The following TNFAIP8L2 variants were observed in gnomAD, a reference collection of about 807,000 sequenced individuals.
The protein encoded by TNFAIP8L2 is TNF alpha induced protein 8 like 2.
TNFAIP8L2 carries 2 observed loss-of-function variants against 5.6 expected under a neutral mutation model. The ratio of observed to expected loss-of-function variants is 0.36; its 90% CI spans 0.15 to 1.13. TNFAIP8L2 has a LOEUF of 1.13. TNFAIP8L2 is among the 50% of genes most tolerant of loss of function. The pLI is 0.40. For synonymous variants in TNFAIP8L2, 91 were observed against 101.1 expected, an observed-to-expected ratio of 0.90 and a Z score of 0.60; for missense variants, 216 against 241.8, an observed-to-expected ratio of 0.89 and a Z score of 0.71.
In TNFAIP8L2 at chr1:151,158,768, GCTCTGTGGCTCAT is replaced by G; in HGVS notation, c.76_88del (p.Val26SerfsTer2). 6.2e-7 allele frequency: 1 copy of G among 1,613,898 alleles called. No homozygotes were observed. Among genetic ancestry groups the G allele is most frequent in the Non-Finnish European group, 8.5e-7 (1 of 1,179,906 alleles). On this transcript the variant is annotated frameshift_variant, in exon 2 of 2. Coordinates refer to ENST00000368910, the MANE Select transcript of TNFAIP8L2 (RefSeq NM_024575.5). LOFTEE classifies it high-confidence loss of function. ...AAGCTACTGAGTAAGATGGCGGGTC[GCTCTGTGGCTCAT>G]CTCTTCATAGATGAGACAAGCAGTG...
rs757977042 is a variant in TNFAIP8L2, at chr1:151,158,737, GAGA to G, written c.46_48del (p.Lys16del). The G allele has an allele frequency of 1.8e-5, 29 of 1,612,202 alleles. No homozygotes were observed. Among genetic ancestry groups the G allele is most frequent in the Non-Finnish European group, 2.3e-5 (27 of 1,178,868 alleles). On this transcript the variant is annotated inframe_deletion, in exon 2 of 2. Coordinates refer to ENST00000368910, the MANE Select transcript of TNFAIP8L2 (RefSeq NM_024575.5). Reference sequence around the variant, plus strand: ...CTCAAAGAGCCTGGCACTGCAAGCAGAGAAGAAGCTACTGAGTAAGATGGCGGG... The same window carrying G: ...CTCAAAGAGCCTGGCACTGCAAGCAGAGAAGCTACTGAGTAAGATGGCGGG...
chr1:151,157,396 G>A (rs1683261039), intron 1 of TNFAIP8L2, among the ~76,000 whole-genome samples: 1 of 152,184 alleles, frequency 6.6e-6, no homozygotes, highest in South Asian at 2.1e-4. Flanking sequence ...GCAGAGCAGA[G>A]GAGGGGGAAG....
In TNFAIP8L2 at chr1:151,158,828, G is replaced by A. The variant is rs763183066; in HGVS notation, c.131G>A (p.Arg44His). 8 of 1,613,932 alleles carry A rather than the reference G, an allele frequency of 5.0e-6. No individual in the cohort carries two copies. The highest frequency in any genetic ancestry group is 2.2e-5 in the East Asian group (1 of 44,878). ...TSSEVLDELY[R>H]VSKEYTHSRP... ...AGTGAGGTGCTAGATGAGCTCTACC[G>A]TGTGTCCAAGGAGTACACGCACAGC... Residue 44 changes from arginine (R) to histidine (H), a missense_variant, in exon 2 of 2, where the codon CGT becomes CAT. Arg to His is a conservative substitution (Grantham distance 29). Coordinates refer to ENST00000368910, the MANE Select transcript of TNFAIP8L2 (RefSeq NM_024575.5).
At chr1:151,158,154 C>G (rs1683291815) in intron 1 of TNFAIP8L2, among the ~76,000 whole-genome samples, 1 of 152,000 alleles carries the variant, frequency 6.6e-6, no homozygotes, top group Non-Finnish European at 1.5e-5. Context: ...GAAACGCTGT[C>G]TCTACTAAAA....
Position 151,159,347 on chromosome 1 carries a change from C to G in TNFAIP8L2, c.*95C>G, listed in dbSNP as rs149142666. The G allele has an allele frequency of 5.1e-4, 646 of 1,260,286 alleles. 5 individuals are homozygous for G. The East Asian group carries it at 0.015, about 30-fold the overall frequency. The allele number at this position is 1,260,286 out of a possible 1,614,324, so 78.1% of individuals were successfully genotyped here. Reference sequence around the variant, plus strand: ...TAACCCTGCTCACCTGGCACTAACACTTTTCAATCTTCAGGCTTCATTCCT... The same window carrying G: ...TAACCCTGCTCACCTGGCACTAACAGTTTTCAATCTTCAGGCTTCATTCCT... On this transcript the variant is annotated 3_prime_UTR_variant, in exon 2 of 2. Coordinates refer to ENST00000368910, the MANE Select transcript of TNFAIP8L2 (RefSeq NM_024575.5).
chr1:151,157,741 A>C (rs1683272135), intron 1 of TNFAIP8L2, among the ~76,000 whole-genome samples: 1 of 152,180 alleles, frequency 6.6e-6, no homozygotes, highest in Non-Finnish European at 1.5e-5. Context: ...AACCTTACAC[A>C]GGATTGGGAA....
chr1:151,157,493 G>T (rs1558198139), intron 1 of TNFAIP8L2, among the ~76,000 whole-genome samples: 1 of 152,172 alleles, frequency 6.6e-6, no homozygotes, highest in Non-Finnish European at 1.5e-5. Flanking sequence ...CACCAAGAGG[G>T]TCCTGAGTTC....
chr1:151,157,996 T>C (rs1683282449), intron 1 of TNFAIP8L2, among the ~76,000 whole-genome samples: 1 of 152,216 alleles, frequency 6.6e-6, no homozygotes, highest in Admixed American at 6.5e-5. Flanking sequence ...CACAGACATA[T>C]GGCACAGAGT....
At position 151,159,344 on chromosome 1, in the gene TNFAIP8L2, A is replaced by G; in HGVS notation, c.*92A>G. ...TCCTAACCCTGCTCACCTGGCACTA[A>G]CACTTTTCAATCTTCAGGCTTCATT... On this transcript the variant is annotated 3_prime_UTR_variant, in exon 2 of 2. Transcript: ENST00000368910. 7.8e-7 allele frequency: 1 copy of G among 1,286,760 alleles called. No homozygotes were observed. The allele number at this position is 1,286,760 out of a possible 1,614,324, so 79.7% of individuals were successfully genotyped here. A position where few individuals can be genotyped will look rare whatever the true frequency, so the allele number is the denominator to read the frequency against.
At chr1:151,158,072 C>A (rs1368610737) in intron 1 of TNFAIP8L2, among the ~76,000 whole-genome samples, 2 of 152,190 alleles carry the variant, frequency 1.3e-5, no homozygotes, top group Non-Finnish European at 2.9e-5. Flanking sequence ...CGCCTGTATT[C>A]CCGGCACTTT....
chr1:151,159,740 C>CTAAA lies in TNFAIP8L2; in HGVS notation c.*489_*492dup, dbSNP rs1558199554. On this transcript the variant is annotated 3_prime_UTR_variant, in exon 2 of 2. Coordinates refer to ENST00000368910, the MANE Select transcript of TNFAIP8L2 (RefSeq NM_024575.5). ...GATTCTCATAGGGGAAATAAAACTA[C>CTAAA]TAAAATATGCACAGGGCTCAATGTT... The CTAAA allele has an allele frequency of 5.6e-6, 1 of 179,176 alleles. No individual in the cohort carries two copies. The highest frequency in any genetic ancestry group is 2.4e-5 in the African/African-American group (1 of 41,610). 11.1% of individuals were successfully genotyped at this position (179,176 alleles called of 1,614,324 possible).
In TNFAIP8L2 at chr1:151,159,050, G is replaced by A; in HGVS notation, c.353G>A (p.Gly118Asp). 1 of 1,614,154 alleles carries A rather than the reference G, an allele frequency of 6.2e-7. No homozygotes were observed. The highest frequency in any genetic ancestry group is 1.1e-5 in the South Asian group (1 of 91,084). The change falls in exon 2 of 2, where the codon GGC (glycine) becomes GAC (aspartate). Residue 118 changes from glycine (G) to aspartate (D), a missense_variant. By Grantham distance (94) the Gly-to-Asp change is moderately conservative. Transcript: ENST00000368910. ...ACCTTCGAGGCTGCTGTTCTGGCTG[G>A]CCTGCTGACCGAGTGCCGGGATGTG... ...DFTFEAAVLA[G>D]LLTECRDVLL...
intron 1 of TNFAIP8L2, among the ~76,000 whole-genome samples, chr1:151,157,489 G>C (rs1228403486): frequency 6.6e-6 from 1 of 152,214 alleles, no homozygotes; most frequent in African/African-American, 2.4e-5. Flanking sequence ...ATGCCACCAA[G>C]AGGGTCCTGA....
At chr1:151,158,322 CAAA>C (rs587732030) in intron 1 of TNFAIP8L2, among the ~76,000 whole-genome samples, 10 of 83,816 alleles carry the variant, frequency 1.2e-4, no homozygotes, top group African/African-American at 8.1e-5. Context: ...GACTCCGTCT[CAAA>C]AAAAAAAAAA....
At chr1:151,156,961 G>A (rs1262024948) in intron 1 of TNFAIP8L2, among the ~76,000 whole-genome samples, 1 of 152,140 alleles carries the variant, frequency 6.6e-6, no homozygotes, top group African/African-American at 2.4e-5. Context: ...ATGGATGTGT[G>A]CGAAATGCAA....
At chr1:151,158,051 G>A (rs587669743) in intron 1 of TNFAIP8L2, among the ~76,000 whole-genome samples, 5 of 152,328 alleles carry the variant, frequency 3.3e-5, no homozygotes, top group African/African-American at 7.2e-5. Flanking sequence ...CAGGCTGGGC[G>A]TGGTGGCTCA....
intron 1 of TNFAIP8L2, among the ~76,000 whole-genome samples, chr1:151,157,682 AT>A (rs1683270187): frequency 6.6e-6 from 1 of 152,154 alleles, no homozygotes. Context: ...AAATTGCTAT[AT>A]TTCTCTTCGC....
At chr1:151,158,143 T>G (rs1463568879) in intron 1 of TNFAIP8L2, among the ~76,000 whole-genome samples, 2 of 151,974 alleles carry the variant, frequency 1.3e-5, no homozygotes, top group Non-Finnish European at 2.9e-5. Context: ...GCCAACATGG[T>G]GAAACGCTGT....
rs943718811 is a variant in TNFAIP8L2 at position 151,158,468 on chromosome 1, G to A, written c.-32-198G>A. The stretch of plus-strand genomic sequence containing the variant: ...TCCAGCCGGGGCTATCGCCACTCCC[G>A]TGGGCTGTTTTGGAGTCAAGATTTG... On this transcript the variant is annotated intron_variant, in intron 1 of 1. Transcript: ENST00000368910. Among the ~76,000 whole-genome samples the A allele has an allele frequency of 8.0e-4, 122 of 152,034 alleles. 1 individual carries two copies. Among genetic ancestry groups the A allele is most frequent in the African/African-American group, 2.7e-3 (110 of 41,472 alleles).
Sources: allele counts gnomAD v4.1 joint callset (sites outside exome capture counted in the v4.1 genomes callset), GRCh38; gene constraint gnomAD v4.1.1; transcripts MANE v1.5; gene names NCBI Gene and HGNC (gene_info 2026-07-23, HGNC 2026-07-21).